COL24A1: variants seen among roughly 807,000 people sequenced by gnomAD.
The protein encoded by COL24A1 is collagen alpha-1(XXIV) chain.
In COL24A1, 224 loss-of-function variants were observed where a neutral mutation model predicts 253.9. The ratio of observed to expected loss-of-function variants is 0.88; its 90% CI spans 0.79 to 0.99. The LOEUF is 0.99. COL24A1 is among the 50% of genes least tolerant of loss of function. COL24A1 has a pLI of 0.00. For missense variants in COL24A1, 2,131 were observed against 2,068.5 expected, an observed-to-expected ratio of 1.03 and a Z score of -0.59; for synonymous variants, 685 against 673.7, an observed-to-expected ratio of 1.02 and a Z score of -0.26.
In COL24A1 at chr1:86,125,352, TG is replaced by T; in HGVS notation, c.983del (p.Thr328LysfsTer10). On this transcript the variant is annotated frameshift_variant, in exon 3 of 60. Transcript: ENST00000370571. LOFTEE classifies it high-confidence loss of function. ...TTTCTTTGGCCTGAATCCCATGGTTTGTGAGATCCACAGCAGAGACATTTCC... is the reference window on the plus strand; with the variant it reads ...TTTCTTTGGCCTGAATCCCATGGTTTTGAGATCCACAGCAGAGACATTTCC... Reference protein sequence around the residue: ...QSGNVSAVDLTNHGIQAKEMI... With the variant: ...QSGNVSAVDLXNHGIQAKEMI... The T allele has an allele frequency of 6.2e-7, 1 of 1,613,704 alleles. No individual in the cohort carries two copies. Among genetic ancestry groups the T allele is most frequent in the African/African-American group, 1.3e-5 (1 of 75,020 alleles).
chr1:85,946,208 A>G (rs1348214147), intron 24 of COL24A1, among the ~76,000 whole-genome samples: 1 of 152,170 alleles, frequency 6.6e-6, no homozygotes, highest in Non-Finnish European at 1.5e-5. Context: ...CCTGGTAGAT[A>G]ATATTTAACA....
At chr1:85,868,911 G>C in intron 35 of COL24A1, 76 bp from the exon 36 acceptor site, 1 of 1,033,866 alleles carries the variant, frequency 9.7e-7, no homozygotes, top group Non-Finnish European at 1.4e-6. Flanking sequence ...TTAGCCCATA[G>C]TATATATGGA....
chr1:85,883,787 A>G (rs12138101), intron 32 of COL24A1: 19,923 of 152,126 alleles, frequency 0.13, 1,458 homozygotes, highest in South Asian at 0.17. Flanking sequence ...TCAGGGTGCT[A>G]TGGCCATTGA....
At chr1:85,927,233 G>A (rs532127467) in intron 24 of COL24A1, among the ~76,000 whole-genome samples, 58 of 152,160 alleles carry the variant, frequency 3.8e-4, no homozygotes, top group Non-Finnish European at 6.8e-4. Context: ...CGCACCGTGC[G>A]CGAGCCGAAG....
intron 37 of COL24A1, among the ~76,000 whole-genome samples, chr1:85,856,466 G>T (rs1678448169): frequency 6.6e-6 from 1 of 152,040 alleles, no homozygotes; most frequent in Non-Finnish European, 1.5e-5. Context: ...AGTCTTTCAG[G>T]AGCAGACTGA....
At chr1:85,923,406 C>A (rs1686771841) in intron 24 of COL24A1, among the ~76,000 whole-genome samples, 4 of 152,104 alleles carry the variant, frequency 2.6e-5, no homozygotes, top group Admixed American at 2.6e-4. Flanking sequence ...CCAAAATTGA[C>A]CACATAGTTG....
chr1:85,878,569 T>C (rs1023875670), intron 32 of COL24A1, among the ~76,000 whole-genome samples: 1 of 152,224 alleles, frequency 6.6e-6, no homozygotes, highest in African/African-American at 2.4e-5. Context: ...TGTGTGGACA[T>C]AAGTTTTCAA....
At chr1:85,906,504 A>G (rs945102021) in intron 28 of COL24A1, among the ~76,000 whole-genome samples, 2 of 151,604 alleles carry the variant, frequency 1.3e-5, no homozygotes, top group Non-Finnish European at 3.0e-5. Flanking sequence ...CTGTGTGTCT[A>G]TAGAGGCCGT....
intron 43 of COL24A1, among the ~76,000 whole-genome samples, chr1:85,828,028 G>T (rs1409040657): frequency 6.6e-6 from 1 of 151,928 alleles, no homozygotes; most frequent in East Asian, 1.9e-4. Flanking sequence ...TGTCAATTTT[G>T]GATCTTTCCT....
Position 85,744,702 on chromosome 1 carries a change from T to C in COL24A1, c.4636A>G (p.Lys1546Glu). Residue 1546 changes from lysine to glutamate, a missense_variant, in exon 57 of 60, where the codon AAA (lysine) becomes GAA (glutamate). Physicochemically the swap from Lys to Glu is moderately conservative, Grantham distance 56. Coordinates refer to ENST00000370571, the MANE Select transcript of COL24A1 (RefSeq NM_152890.7). ...TTTTGTTCACAGTTAAGTAAATCTT[T>C]GCAGATTCGTGCTGGGTTATCTCGT... The part of the protein sequence containing the change: ...GTRDNPARIC[K>E]DLLNCEQKVS... 1.9e-6 allele frequency: 3 copies of C among 1,609,474 alleles called. No individual in the cohort carries two copies. The highest frequency in any genetic ancestry group is 2.5e-6 in the Non-Finnish European group (3 of 1,178,514).
At position 85,838,643 on chromosome 1, in the gene COL24A1, A is replaced by G. The variant is rs746735461; in HGVS notation, c.3628-5T>C. ...TCCTTGGTCCCCCACTGGACCCTACAGAGACCACACACAAAACAATCAGTT... is the reference window on the plus strand; with the variant it reads ...TCCTTGGTCCCCCACTGGACCCTACGGAGACCACACACAAAACAATCAGTT... On this transcript the variant is annotated splice_region_variant and splice_polypyrimidine_tract_variant and intron_variant, in intron 42 of 59. Transcript: ENST00000370571. 2.5e-6 allele frequency: 4 copies of G among 1,613,844 alleles called. No individual in the cohort carries two copies. Among genetic ancestry groups the G allele is most frequent in the Non-Finnish European group, 3.4e-6 (4 of 1,179,750 alleles).
chr1:86,001,677 G>C (rs1310570542), intron 19 of COL24A1, among the ~76,000 whole-genome samples: 1 of 152,008 alleles, frequency 6.6e-6, no homozygotes, highest in African/African-American at 2.4e-5. Flanking sequence ...TTGATGGGAA[G>C]GGCAAATTAT....
At chr1:85,873,049 G>T (rs1414842670) in intron 35 of COL24A1, among the ~76,000 whole-genome samples, 3 of 152,166 alleles carry the variant, frequency 2.0e-5, no homozygotes, top group Non-Finnish European at 4.4e-5. Context: ...CTTCTCAAAA[G>T]AAGACATTTA....
At position 85,948,112 on chromosome 1, in the gene COL24A1, T is replaced by C. The variant is rs1206678319; in HGVS notation, c.2562+13137A>G. On this transcript the variant is annotated intron_variant, in intron 24 of 59. Transcript: ENST00000370571. ...CAACTTATTCTTACTTTGTAAGGGA[T>C]AGATCAAGTCTCAACTTTTTTCAAG... 2.6e-5 allele frequency among the ~76,000 whole-genome samples: 4 copies of C among 152,246 alleles called. No homozygotes were observed. In the East Asian group the frequency reaches 7.7e-4, roughly 29 times the overall value.
intron 3 of COL24A1, among the ~76,000 whole-genome samples, chr1:86,117,467 G>A (rs1706261475): frequency 6.6e-6 from 1 of 152,174 alleles, no homozygotes. Context: ...AATTTCTATA[G>A]TGTATAAGCC....
At chr1:86,036,273 C>T (rs532920498) in intron 12 of COL24A1, among the ~76,000 whole-genome samples, 1 of 152,142 alleles carries the variant, frequency 6.6e-6, no homozygotes, top group South Asian at 2.1e-4. Context: ...CAGGCATAAG[C>T]CACTGTACCA....
In COL24A1 at chr1:86,042,115, A is replaced by G. The variant is rs556407511; in HGVS notation, c.1950+4710T>C. On this transcript the variant is annotated intron_variant, in intron 12 of 59. Transcript: ENST00000370571. ...TCCAAAAGCATGAGTATACACATAC[A>G]TTGACTAATATTAACTGTGATTACA... Among the ~76,000 whole-genome samples the G allele has an allele frequency of 7.2e-5, 11 of 152,310 alleles. No homozygotes were observed. The East Asian group carries it at 2.1e-3, about 29-fold the overall frequency.
intron 10 of COL24A1, among the ~76,000 whole-genome samples, chr1:86,052,494 A>G (rs1258005365): frequency 6.6e-6 from 1 of 152,140 alleles, no homozygotes; most frequent in Non-Finnish European, 1.5e-5. Flanking sequence ...AAGGACAGAT[A>G]GTGTATGATT....
intron 43 of COL24A1, among the ~76,000 whole-genome samples, chr1:85,825,565 C>A (rs1392839479): frequency 1.3e-5 from 2 of 151,542 alleles, no homozygotes; most frequent in Non-Finnish European, 2.9e-5. Flanking sequence ...TCCTATTTCT[C>A]CACATCCTCT....
Sources: gnomAD v4.1 joint callset for allele counts (sites outside exome capture counted in the v4.1 genomes callset) on GRCh38, gnomAD v4.1.1 for gene constraint, MANE v1.5 for transcripts, NCBI Gene and HGNC (gene_info 2026-07-23, HGNC 2026-07-21) for gene names.